TIMM17A: variants seen among roughly 807,000 people sequenced by gnomAD.
The protein encoded by TIMM17A is mitochondrial import inner membrane translocase subunit Tim17-A.
In TIMM17A, 15 loss-of-function variants were observed where a neutral mutation model predicts 26.5. The observed-to-expected ratio is 0.57, with a 90% confidence interval of 0.38 to 0.87. The LOEUF (loss-of-function observed/expected upper bound fraction) is 0.87, where lower values mean the gene tolerates loss of function less well. Among genes scored for constraint, TIMM17A ranks in the 40% least tolerant of loss-of-function variants. TIMM17A has a pLI of 0.00. For missense variants in TIMM17A, 201 were observed against 210.0 expected, an observed-to-expected ratio of 0.96 and a Z score of 0.27; for synonymous variants, 80 against 70.8, an observed-to-expected ratio of 1.13 and a Z score of -0.66.
intron 3 of TIMM17A, among the ~76,000 whole-genome samples, chr1:201,961,242 A>AT (rs1682522491): frequency 6.6e-6 from 1 of 150,500 alleles, no homozygotes; most frequent in Admixed American, 6.6e-5. Flanking sequence ...AGTTTTTTGT[A>AT]TTTTAGTGGA....
intron 4 of TIMM17A, among the ~76,000 whole-genome samples, chr1:201,965,201 CA>C (rs1272700033): frequency 6.6e-6 from 1 of 152,162 alleles, no homozygotes; most frequent in Admixed American, 6.6e-5. Flanking sequence ...CTGCCTGCCT[CA>C]GCCTCCCAAA....
chr1:201,966,872 G>A (rs1383234783), intron 5 of TIMM17A, among the ~76,000 whole-genome samples: 1 of 133,434 alleles, frequency 7.5e-6, no homozygotes. Context: ...ACATATATAT[G>A]TTATATATAT....
In TIMM17A at chr1:201,957,271, CT is replaced by C. The variant is rs1558249131; in HGVS notation, c.27-9del. On this transcript the variant is annotated splice_polypyrimidine_tract_variant and intron_variant, in intron 1 of 5. Coordinates refer to ENST00000367287, the MANE Select transcript of TIMM17A (RefSeq NM_006335.3). ...GAGAAATATGGTCTTTTTTTTCCCC[CT>C]GTTCTTAGCCCATGGCGAATTGTGG... 3 of 1,563,246 alleles carry C rather than the reference CT, an allele frequency of 1.9e-6. No individual in the cohort carries two copies. The highest frequency in any genetic ancestry group is 2.2e-5 in the East Asian group (1 of 44,604).
Position 201,963,641 on chromosome 1 carries a change from G to A in TIMM17A, c.216G>A (p.Leu72=), listed in dbSNP as rs1174730746. The change falls in exon 4 of 6, where the codon CTG becomes CTA. Residue 72 remains leucine, a synonymous_variant. Transcript: ENST00000367287. ...GTAGCTTTGCAGTTTGGGGAGGGCT[G>A]TTTTCCATGATTGACTGTAGTATGG... ...LGGSFAVWGG[L]FSMIDCSMVQ... 2.5e-6 allele frequency: 4 copies of A among 1,605,808 alleles called. No individual in the cohort carries two copies. Among genetic ancestry groups the A allele is most frequent in the Middle Eastern group, 1.7e-4 (1 of 6,048 alleles).
intron 3 of TIMM17A, among the ~76,000 whole-genome samples, chr1:201,961,112 C>T (rs1015734537): frequency 1.4e-5 from 2 of 146,152 alleles, no homozygotes; most frequent in Non-Finnish European, 3.0e-5. Context: ...GTTGCCCAGG[C>T]TAGAGTGCAA....
chr1:201,956,382 A>G (rs1682409411), intron 1 of TIMM17A, among the ~76,000 whole-genome samples: 1 of 152,228 alleles, frequency 6.6e-6, no homozygotes, highest in Non-Finnish European at 1.5e-5. Context: ...AAGAGCAACA[A>G]CCAAGATGTC....
At chr1:201,958,732 T>C (rs1682472373) in intron 3 of TIMM17A, among the ~76,000 whole-genome samples, 1 of 152,206 alleles carries the variant, frequency 6.6e-6, no homozygotes, top group Non-Finnish European at 1.5e-5. Flanking sequence ...TATAGTTAGA[T>C]TGGAGAGACC....
At chr1:201,956,869 T>C (rs1682421067) in intron 1 of TIMM17A, among the ~76,000 whole-genome samples, 1 of 149,146 alleles carries the variant, frequency 6.7e-6, no homozygotes, top group South Asian at 2.1e-4. Context: ...GGCAGGAGAA[T>C]CACTTGAACC....
intron 5 of TIMM17A, among the ~76,000 whole-genome samples, chr1:201,966,873 T>TTA (rs113486134): frequency 0.21 from 31,329 of 146,594 alleles, 3,467 homozygotes; most frequent in East Asian, 0.24. Flanking sequence ...CATATATATG[T>TTA]TATATATATG....
intron 3 of TIMM17A, among the ~76,000 whole-genome samples, chr1:201,961,661 C>T (rs982344884): frequency 6.6e-6 from 1 of 152,050 alleles, no homozygotes; most frequent in Non-Finnish European, 1.5e-5. Flanking sequence ...ACACCCTTGA[C>T]AACTTAGAGA....
At position 201,969,628 on chromosome 1, in the gene TIMM17A, C is replaced by T; in HGVS notation, c.*74C>T. On this transcript the variant is annotated 3_prime_UTR_variant, in exon 6 of 6. Coordinates refer to ENST00000367287, the MANE Select transcript of TIMM17A (RefSeq NM_006335.3). ...GGATTTCAGAAGATCAAGTTACAGT[C>T]TGTTTTTAAAACCATAGGTGGGACA... 2 of 1,343,628 alleles carry T rather than the reference C, an allele frequency of 1.5e-6. No individual in the cohort carries two copies. The highest frequency in any genetic ancestry group is 2.4e-5 in the South Asian group (2 of 83,796). The allele number at this position is 1,343,628 out of a possible 1,614,324, so 83.2% of individuals were successfully genotyped here. A position where few individuals can be genotyped will look rare whatever the true frequency, so the allele number is the denominator to read the frequency against.
rs1442558130 is a variant in TIMM17A, at chr1:201,963,721, C to T, written c.296C>T (p.Thr99Met). 2.5e-6 allele frequency: 4 copies of T among 1,609,642 alleles called. No homozygotes were observed. The highest frequency in any genetic ancestry group is 1.1e-5 in the South Asian group (1 of 90,258). ...AACTCCATCACAAGTGGTGCCTTAA[C>T]GGGAGCCATACTGGCAGCAAGAAGT... ...PWNSITSGAL[T>M]GAILAARNGP... is the part of the protein sequence containing the mutation. Residue 99 changes from threonine (T) to methionine (M), a missense_variant, in exon 4 of 6, where the codon ACG becomes ATG. Physicochemically the swap from Thr to Met is moderately conservative, Grantham distance 81 (BLOSUM62 -1). Transcript: ENST00000367287.
In TIMM17A at chr1:201,966,909, TTA is replaced by T. The variant is rs1322771911; in HGVS notation, c.430+1371_430+1372del. On this transcript the variant is annotated intron_variant, in intron 5 of 5. Coordinates refer to ENST00000367287, the MANE Select transcript of TIMM17A (RefSeq NM_006335.3). Reference sequence around the variant, plus strand: ...CTATATATGTTATATATTATATATGTTATATAATATGTATGTTATATGTTGTA... The same window carrying T: ...CTATATATGTTATATATTATATATGTTATAATATGTATGTTATATGTTGTA... 1.5e-4 allele frequency among the ~76,000 whole-genome samples: 22 copies of T among 147,872 alleles called. No individual in the cohort carries two copies. The Admixed American group carries it at 1.5e-3, about 10-fold the overall frequency.
intron 3 of TIMM17A, among the ~76,000 whole-genome samples, chr1:201,960,863 C>G (rs912307177): frequency 3.3e-5 from 5 of 152,026 alleles, no homozygotes; most frequent in African/African-American, 1.2e-4. Context: ...ATGCTCCCAC[C>G]TCAGCCTCCT....
chr1:201,968,284 C>T (rs902414650), intron 5 of TIMM17A, among the ~76,000 whole-genome samples: 3 of 151,492 alleles, frequency 2.0e-5, no homozygotes, highest in East Asian at 1.9e-4. Flanking sequence ...TGTGAGCCAT[C>T]GCGCCCAGCA....
intron 1 of TIMM17A, 54 bp downstream of exon 1, chr1:201,955,606 CT>C (rs1682395118): frequency 6.2e-7 from 1 of 1,612,892 alleles, no homozygotes; most frequent in South Asian, 1.1e-5. Context: ...CACTGCCCTC[CT>C]TCTCCCTTGT....
intron 4 of TIMM17A, 56 bp from the exon 5 acceptor site, chr1:201,965,377 C>T: frequency 8.2e-7 from 1 of 1,225,816 alleles, no homozygotes. Context: ...TTTACTATCT[C>T]TTACAGTAAA....
chr1:201,964,162 AAAGT>A (rs1416959886), intron 4 of TIMM17A, among the ~76,000 whole-genome samples: 1 of 152,162 alleles, frequency 6.6e-6, no homozygotes, highest in African/African-American at 2.4e-5. Flanking sequence ...ATTTGAAAAA[AAAGT>A]AAGGGGATCT....
Position 201,957,389 on chromosome 1 carries a change from G to A in TIMM17A, c.126+9G>A, listed in dbSNP as rs200243256. ...TTCGCAATTCTCCAGTGGTAAGTGGGTGAATGGTCTTATTTTATCATCACT... is the reference window on the plus strand; with the variant it reads ...TTCGCAATTCTCCAGTGGTAAGTGGATGAATGGTCTTATTTTATCATCACT... On this transcript the variant is annotated intron_variant, in intron 2 of 5. Coordinates refer to ENST00000367287, the MANE Select transcript of TIMM17A (RefSeq NM_006335.3). 991 of 1,607,652 alleles carry A rather than the reference G, an allele frequency of 6.2e-4. 1 individual carries two copies. Among genetic ancestry groups the A allele is most frequent in the Middle Eastern group, 2.3e-3 (14 of 6,054 alleles).
Sources: allele counts gnomAD v4.1 joint callset (sites outside exome capture counted in the v4.1 genomes callset), GRCh38; gene constraint gnomAD v4.1.1; transcripts MANE v1.5; gene names NCBI Gene and HGNC (gene_info 2026-07-23, HGNC 2026-07-21).